The following TRPM3 variants were observed in gnomAD, a reference collection of about 807,000 sequenced individuals.
The protein encoded by TRPM3 is transient receptor potential cation channel subfamily M member 3.
A neutral mutation model predicts 181.2 loss-of-function variants in TRPM3; 77 were observed. That is an observed-to-expected ratio of 0.42 (90% confidence interval 0.35 to 0.51). The LOEUF (loss-of-function observed/expected upper bound fraction) is 0.51, where lower values mean the gene tolerates loss of function less well. Ranked by LOEUF, TRPM3 falls within the 20% of genes least tolerant of loss-of-function variation. The pLI is 0.01. For missense variants in TRPM3, 1,759 were observed against 2,196.7 expected (o/e 0.80, Z 3.98); for synonymous variants, 745 against 796.4 (o/e 0.94, Z 1.09).
intron 9 of TRPM3, among the ~76,000 whole-genome samples, chr9:70,653,548 TC>T (rs1239883272): frequency 1.3e-5 from 2 of 151,822 alleles, no homozygotes; most frequent in Admixed American, 1.3e-4. Context: ...AAGTGAGAAT[TC>T]CAAATTATGG....
At chr9:70,843,367 T>C (rs541975580) in intron 4 of TRPM3, among the ~76,000 whole-genome samples, 66 of 152,130 alleles carry the variant, frequency 4.3e-4, no homozygotes, top group Middle Eastern at 3.4e-3. Flanking sequence ...CCAATTCATA[T>C]GAAAAAACAA....
intron 1 of TRPM3, among the ~76,000 whole-genome samples, chr9:71,085,497 A>C (rs1161245744): frequency 6.6e-6 from 1 of 152,088 alleles, no homozygotes; most frequent in Non-Finnish European, 1.5e-5. Flanking sequence ...TCTCAAAAGA[A>C]GATACACAAG....
intron 1 of TRPM3, among the ~76,000 whole-genome samples, chr9:70,998,162 T>TAC (rs2097560838): frequency 7.1e-6 from 1 of 141,642 alleles, no homozygotes; most frequent in African/African-American, 2.5e-5. Flanking sequence ...TATACATATA[T>TAC]ACATATATAC....
chr9:71,398,030 A>G (rs2093242143), intron 1 of TRPM3, among the ~76,000 whole-genome samples: 1 of 152,206 alleles, frequency 6.6e-6, no homozygotes, highest in South Asian at 2.1e-4. Flanking sequence ...TTGCTCAGCA[A>G]CAATGAATTG....
At chr9:70,564,346 A>G (rs993815232) in intron 22 of TRPM3, among the ~76,000 whole-genome samples, 3 of 152,242 alleles carry the variant, frequency 2.0e-5, no homozygotes, top group Admixed American at 6.5e-5. Context: ...ACACGCAACA[A>G]TACACCTTTC....
chr9:71,133,301 T>TTTTTTTTTC (rs1554832639), intron 1 of TRPM3, among the ~76,000 whole-genome samples: 1 of 115,178 alleles, frequency 8.7e-6, no homozygotes, highest in East Asian at 2.7e-4. Flanking sequence ...GCTTTTTTTT[T>TTTTTTTTTC]TTTTTTTTTT....
At chr9:71,022,448 AC>A (rs563333756) in intron 1 of TRPM3, among the ~76,000 whole-genome samples, 203 of 152,304 alleles carry the variant, frequency 1.3e-3, no homozygotes, top group Non-Finnish European at 1.2e-3. Context: ...CAATCCTAGC[AC>A]TTTGGGAGGC....
chr9:70,642,364 C>T lies in TRPM3; in HGVS notation c.1346-1704G>A, dbSNP rs552647038. Among the ~76,000 whole-genome samples, 3 of 152,292 alleles carry T rather than the reference C, an allele frequency of 2.0e-5. No homozygotes were observed. In the South Asian group the frequency reaches 6.2e-4, roughly 32 times the overall value. ...GAGTCAGATCCAGAGAATTCCTCTTCATCATTGCTGCTTCTGATGTTTAGG... is the reference window on the plus strand; with the variant it reads ...GAGTCAGATCCAGAGAATTCCTCTTTATCATTGCTGCTTCTGATGTTTAGG... On this transcript the variant is annotated intron_variant, in intron 9 of 25. Coordinates refer to ENST00000677713, the MANE Select transcript of TRPM3 (RefSeq NM_001366145.2).
intron 8 of TRPM3, among the ~76,000 whole-genome samples, chr9:70,744,536 G>A (rs975896086): frequency 1.3e-5 from 2 of 151,964 alleles, no homozygotes; most frequent in African/African-American, 4.8e-5. Flanking sequence ...GTAGATGAAA[G>A]GTGTTATTAT....
At chr9:70,694,619 T>C (rs7042494) in intron 8 of TRPM3, among the ~76,000 whole-genome samples, 54,994 of 151,918 alleles carry the variant, frequency 0.36, 10,203 homozygotes, top group East Asian at 0.46. Flanking sequence ...TAGCTGGGAC[T>C]ACAGGCACCC....
At chr9:70,693,737 G>A (rs1426092030) in intron 8 of TRPM3, among the ~76,000 whole-genome samples, 1 of 152,124 alleles carries the variant, frequency 6.6e-6, no homozygotes, top group African/African-American at 2.4e-5. Context: ...AGATGCCCTT[G>A]GTTTACCTCT....
intron 21 of TRPM3, 148 bp downstream of exon 21, chr9:70,598,271 C>T: frequency 9.4e-7 from 1 of 1,064,650 alleles, no homozygotes; most frequent in Non-Finnish European, 1.4e-6. Flanking sequence ...AACCCCCAAA[C>T]ATTCAAAAGG....
intron 1 of TRPM3, among the ~76,000 whole-genome samples, chr9:71,294,068 G>A (rs571426919): frequency 6.6e-6 from 1 of 151,734 alleles, no homozygotes; most frequent in Non-Finnish European, 1.5e-5. Flanking sequence ...GAAAATGTAG[G>A]CGATTATCTT....
chr9:71,386,415 C>T (rs558916784), intron 1 of TRPM3, among the ~76,000 whole-genome samples: 2 of 151,324 alleles, frequency 1.3e-5, no homozygotes, highest in African/African-American at 4.9e-5. Flanking sequence ...CACTACTGCA[C>T]TCCAGCCTGG....
chr9:70,777,488 A>G (rs947574202), intron 7 of TRPM3, among the ~76,000 whole-genome samples: 1 of 152,064 alleles, frequency 6.6e-6, no homozygotes, highest in Non-Finnish European at 1.5e-5. Context: ...AAACGTATTT[A>G]TTTTATTTCA....
At chr9:71,283,853 A>T (rs1363419361) in intron 1 of TRPM3, among the ~76,000 whole-genome samples, 1 of 152,232 alleles carries the variant, frequency 6.6e-6, no homozygotes, top group Non-Finnish European at 1.5e-5. Flanking sequence ...ATATACCAAC[A>T]TCTATGTGAG....
Position 71,384,642 on chromosome 9 carries a change from C to G in TRPM3, c.183+62011G>C, listed in dbSNP as rs562961353. ...CCCATAGATACCACTGAAATTTTAGCTATGGTTTTCCTAGCCTTTAGCAAT... is the reference window on the plus strand; with the variant it reads ...CCCATAGATACCACTGAAATTTTAGGTATGGTTTTCCTAGCCTTTAGCAAT... On this transcript the variant is annotated intron_variant, in intron 1 of 24. Coordinates refer to the TRPM3 transcript ENST00000357533. Among the ~76,000 whole-genome samples, 76 of 152,328 alleles carry G rather than the reference C, an allele frequency of 5.0e-4. No individual in the cohort carries two copies. The East Asian group carries it at 0.013, about 27-fold the overall frequency.
chr9:70,749,182 G>A (rs1409857866), intron 8 of TRPM3, among the ~76,000 whole-genome samples: 1 of 152,158 alleles, frequency 6.6e-6, no homozygotes, highest in African/African-American at 2.4e-5. Flanking sequence ...ACTGTGTCCA[G>A]ACAAAAGTTG....
intron 1 of TRPM3, among the ~76,000 whole-genome samples, chr9:71,260,459 C>A (rs1028287604): frequency 4.5e-4 from 69 of 152,136 alleles, no homozygotes; most frequent in African/African-American, 1.5e-3. Flanking sequence ...CTGAATCTAT[C>A]AATTACTTTG....
Sources: allele counts gnomAD v4.1 joint callset (sites outside exome capture counted in the v4.1 genomes callset), GRCh38; gene constraint gnomAD v4.1.1; transcripts MANE v1.5; gene names NCBI Gene and HGNC (gene_info 2026-07-23, HGNC 2026-07-21).